APBA2: variants seen among roughly 807,000 people sequenced by gnomAD.
APBA2 encodes the protein amyloid beta precursor protein binding family A member 2, also known as amyloid-beta A4 precursor protein-binding family A member 2.
A neutral mutation model predicts 75.0 loss-of-function variants in APBA2; 30 were observed. The ratio of observed to expected loss-of-function variants is 0.40; its 90% CI spans 0.30 to 0.54. The LOEUF is 0.54. Ranked by LOEUF, APBA2 falls within the 20% of genes least tolerant of loss-of-function variation. APBA2 has a pLI of 0.49. For synonymous variants in APBA2, 444 were observed against 409.6 expected (o/e 1.08, Z -1.01); for missense variants, 801 against 1,016.1 (o/e 0.79, Z 2.88).
intron 2 of APBA2, among the ~76,000 whole-genome samples, chr15:28,923,877 C>G (rs934038084): frequency 1.2e-4 from 18 of 152,220 alleles, no homozygotes; most frequent in African/African-American, 3.4e-4. Flanking sequence ...CCTCCACCGC[C>G]CCCCCGGGGC....
chr15:28,984,800 C>T (rs1016406899), intron 2 of APBA2, among the ~76,000 whole-genome samples: 14 of 149,698 alleles, frequency 9.4e-5, no homozygotes, highest in South Asian at 4.3e-4. Flanking sequence ...GGGAGCTGCT[C>T]GCTCTCTCTC....
At chr15:28,899,674 G>C (rs540441105) in intron 1 of APBA2, among the ~76,000 whole-genome samples, 1 of 152,206 alleles carries the variant, frequency 6.6e-6, no homozygotes, top group Non-Finnish European at 1.5e-5. Flanking sequence ...CTGGACACGC[G>C]TGCAGGCCTG....
chr15:29,084,194 G>A (rs1344422707), intron 6 of APBA2, among the ~76,000 whole-genome samples: 1 of 152,100 alleles, frequency 6.6e-6, no homozygotes, highest in African/African-American at 2.4e-5. Flanking sequence ...GTTTTCTTGA[G>A]TTTTTCCTGG....
At chr15:28,920,002 A>G (rs749792414) in intron 1 of APBA2, among the ~76,000 whole-genome samples, 3 of 152,012 alleles carry the variant, frequency 2.0e-5, no homozygotes, top group Non-Finnish European at 4.4e-5. Flanking sequence ...CGGCCTTTGC[A>G]TTTGCTTTCA....
chr15:29,047,720 G>A (rs910638265), intron 3 of APBA2, among the ~76,000 whole-genome samples: 3 of 151,994 alleles, frequency 2.0e-5, no homozygotes, highest in Admixed American at 6.6e-5. Flanking sequence ...GCCGGAAAGG[G>A]GAAGCAAAAT....
intron 3 of APBA2, among the ~76,000 whole-genome samples, chr15:29,011,942 TC>T (rs2039424432): frequency 6.6e-6 from 1 of 152,232 alleles, no homozygotes; most frequent in South Asian, 2.1e-4. Context: ...ATCTAGTTTG[TC>T]TAATTACCAA....
intron 2 of APBA2, among the ~76,000 whole-genome samples, chr15:28,980,979 A>G (rs984226390): frequency 6.6e-6 from 1 of 152,236 alleles, no homozygotes; most frequent in Non-Finnish European, 1.5e-5. Flanking sequence ...ATAGCTGGCT[A>G]GCCTTATGCA....
At chr15:29,088,366 GAGTCCA>G (rs1306675430) in intron 6 of APBA2, among the ~76,000 whole-genome samples, 1 of 152,012 alleles carries the variant, frequency 6.6e-6, no homozygotes, top group Non-Finnish European at 1.5e-5. Flanking sequence ...CGGGACTCCC[GAGTCCA>G]GCCGCCTACT....
chr15:28,983,682 G>T (rs2037746958), intron 2 of APBA2, among the ~76,000 whole-genome samples: 2 of 152,212 alleles, frequency 1.3e-5, no homozygotes, highest in Admixed American at 6.5e-5. Flanking sequence ...GTCAGAGTGG[G>T]TTGGAGAGAC....
intron 2 of APBA2, among the ~76,000 whole-genome samples, chr15:28,954,119 C>A (rs1399620896): frequency 1.3e-5 from 2 of 152,088 alleles, no homozygotes; most frequent in East Asian, 1.9e-4. Flanking sequence ...CTCTCTTAAA[C>A]CCCACATGGA....
chr15:28,916,323 C>T (rs1387133536), intron 1 of APBA2, among the ~76,000 whole-genome samples: 3 of 152,234 alleles, frequency 2.0e-5, no homozygotes, highest in African/African-American at 7.2e-5. Context: ...GCAGTCTACC[C>T]TTCCCCACAG....
chr15:28,940,609 G>A (rs1324387394), intron 2 of APBA2, among the ~76,000 whole-genome samples: 2 of 151,794 alleles, frequency 1.3e-5, no homozygotes, highest in Non-Finnish European at 1.5e-5. Context: ...TCTGGAATCC[G>A]GAACTACAAA....
chr15:28,970,446 G>A (rs1355806547), intron 2 of APBA2: 1 of 149,970 alleles, frequency 6.7e-6, no homozygotes, highest in African/African-American at 2.4e-5. Context: ...GGAGGCCGAG[G>A]CAGGAGGGTT....
At chr15:29,030,333 G>T (rs1051425571) in intron 3 of APBA2, among the ~76,000 whole-genome samples, 1 of 151,954 alleles carries the variant, frequency 6.6e-6, no homozygotes, top group African/African-American at 2.4e-5. Context: ...GTGATGGCGG[G>T]TGCCTATAGT....
chr15:29,022,647 T>C (rs2040011868), intron 3 of APBA2, among the ~76,000 whole-genome samples: 1 of 152,212 alleles, frequency 6.6e-6, no homozygotes, highest in Non-Finnish European at 1.5e-5. Context: ...TCTGCTGGTC[T>C]ATTTGTATAC....
chr15:28,996,813 C>T (rs11073211), intron 3 of APBA2, among the ~76,000 whole-genome samples: 4,626 of 152,210 alleles, frequency 0.03, 240 homozygotes, highest in African/African-American at 0.11. Flanking sequence ...TGCAAGGCAG[C>T]GGTGGCCTTG....
intron 6 of APBA2, among the ~76,000 whole-genome samples, chr15:29,091,452 G>C (rs1480948960): frequency 6.6e-6 from 1 of 152,148 alleles, no homozygotes; most frequent in African/African-American, 2.4e-5. Flanking sequence ...CCAGGAGTTT[G>C]AGGCAGTGGA....
At chr15:29,090,117 G>T (rs2043488246) in intron 6 of APBA2, among the ~76,000 whole-genome samples, 1 of 152,192 alleles carries the variant, frequency 6.6e-6, no homozygotes. Flanking sequence ...TGGGAGGCAG[G>T]ATGCTGGGGC....
At chr15:29,022,465 C>A (rs1174617554) in intron 3 of APBA2, among the ~76,000 whole-genome samples, 1 of 151,514 alleles carries the variant, frequency 6.6e-6, no homozygotes, top group African/African-American at 2.4e-5. Context: ...TACAATAAGT[C>A]TTTAGTCCCC....
Sources: allele counts gnomAD v4.1 joint callset (sites outside exome capture counted in the v4.1 genomes callset), GRCh38; gene constraint gnomAD v4.1.1; transcripts MANE v1.5; gene names NCBI Gene and HGNC (gene_info 2026-07-23, HGNC 2026-07-21).